Variants in ARHGAP35 observed in about 807,000 individuals in gnomAD.
The protein encoded by ARHGAP35 is rho GTPase-activating protein 35.
Under a neutral mutation model 111.1 loss-of-function variants are expected in ARHGAP35, and 15 were observed. That is an observed-to-expected ratio of 0.13 (90% CI 0.09 to 0.21). The LOEUF (loss-of-function observed/expected upper bound fraction) is 0.21. Ranked by LOEUF, ARHGAP35 falls within the 10% of genes least tolerant of loss-of-function variation. The pLI is 1.00. For synonymous variants in ARHGAP35, 643 were observed against 710.3 expected, an observed-to-expected ratio of 0.91 and a Z score of 1.51; for missense variants, 1,262 against 1,873.0, an observed-to-expected ratio of 0.67 and a Z score of 6.02.
intron 1 of ARHGAP35, among the ~76,000 whole-genome samples, chr19:46,872,817 C>T (rs1416744842): frequency 1.3e-5 from 2 of 149,916 alleles, no homozygotes; most frequent in Admixed American, 6.7e-5. Flanking sequence ...GGAGACGGAG[C>T]TTGCAGTGAG....
intron 2 of ARHGAP35, among the ~76,000 whole-genome samples, chr19:46,928,923 C>T (rs559000207): frequency 2.0e-5 from 3 of 149,326 alleles, no homozygotes; most frequent in Non-Finnish European, 3.0e-5. Context: ...CAGAGGGAGA[C>T]GGTCTCAAAA....
rs1365265115 is a variant in ARHGAP35, at chr19:47,001,783, G to A, written c.*1095G>A. The A allele has an allele frequency of 2.6e-5, 6 of 230,038 alleles. No homozygotes were observed. The highest frequency in any genetic ancestry group is 1.4e-4 in the African/African-American group (6 of 43,696). 14.2% of individuals were successfully genotyped at this position (230,038 alleles called of 1,614,324 possible). A position where few individuals can be genotyped will look rare whatever the true frequency, so the allele number is the denominator to read the frequency against. On this transcript the variant is annotated 3_prime_UTR_variant, in exon 7 of 7. Transcript: ENST00000672722. This position sits in a 1 kb window ranked among gnomAD's most constrained non-coding sequence, Gnocchi z 5.4. Reference sequence around the variant, plus strand: ...GTGAGTGTGTGTGGGCGCTTGGTGGGGGGTTGGGGACAGCTGGAAGGTGCC... The same window carrying A: ...GTGAGTGTGTGTGGGCGCTTGGTGGAGGGTTGGGGACAGCTGGAAGGTGCC...
chr19:46,906,696 G>C (rs2056110206), intron 1 of ARHGAP35, among the ~76,000 whole-genome samples: 1 of 152,196 alleles, frequency 6.6e-6, no homozygotes, highest in Admixed American at 6.5e-5. Flanking sequence ...TACAGATGCA[G>C]TAGATAAAAT....
intron 3 of ARHGAP35, among the ~76,000 whole-genome samples, chr19:46,938,724 C>T (rs1358045736): frequency 2.0e-5 from 3 of 150,410 alleles, no homozygotes; most frequent in Non-Finnish European, 2.9e-5. Flanking sequence ...GTGGCATGAT[C>T]TTGGCTCACT....
intron 3 of ARHGAP35, among the ~76,000 whole-genome samples, chr19:46,962,839 C>G (rs1403363801): frequency 6.6e-6 from 1 of 152,152 alleles, no homozygotes; most frequent in African/African-American, 2.4e-5. Context: ...GTCTCGAACT[C>G]CTGACCTCAG....
At chr19:46,870,011 A>G (rs554244686) in intron 1 of ARHGAP35, among the ~76,000 whole-genome samples, 1 of 139,804 alleles carries the variant, frequency 7.2e-6, no homozygotes, top group South Asian at 2.2e-4. Flanking sequence ...CAGTGGCGCC[A>G]TCTCGACTCA....
chr19:46,902,879 A>C (rs1311088196), intron 1 of ARHGAP35, among the ~76,000 whole-genome samples: 1 of 152,208 alleles, frequency 6.6e-6, no homozygotes, highest in East Asian at 1.9e-4. Flanking sequence ...ACTGGGCAAA[A>C]AGGGCTCTTT....
intron 1 of ARHGAP35, among the ~76,000 whole-genome samples, chr19:46,900,477 T>C (rs2056079087): frequency 6.6e-6 from 1 of 152,214 alleles, no homozygotes; most frequent in Admixed American, 6.5e-5. Flanking sequence ...CACCTTGGCC[T>C]CCCAAACTGT....
intron 5 of ARHGAP35, among the ~76,000 whole-genome samples, chr19:46,991,019 G>C (rs1032780857): frequency 1.3e-5 from 2 of 152,180 alleles, no homozygotes; most frequent in Non-Finnish European, 1.5e-5. Context: ...GTACTCCTGG[G>C]AGGGTCATAG....
At chr19:46,874,573 C>T (rs1395570541) in intron 1 of ARHGAP35, among the ~76,000 whole-genome samples, 13 of 130,004 alleles carry the variant, frequency 1.0e-4, no homozygotes, top group Admixed American at 7.3e-4. Flanking sequence ...GCACAATCTT[C>T]GGCTCACAGC....
Position 47,000,551 on chromosome 19 carries a change from G to C in ARHGAP35, c.4363G>C (p.Val1455Leu). 1.2e-6 allele frequency: 2 copies of C among 1,612,396 alleles called. No homozygotes were observed. The highest frequency in any genetic ancestry group is 1.7e-6 in the Non-Finnish European group (2 of 1,179,596). Residue 1455 changes from valine to leucine, a missense_variant, in exon 7 of 7, where the codon GTG becomes CTG. Physicochemically the swap from Val to Leu is conservative, Grantham distance 32. This residue lies in a region of ARHGAP35 where 75 missense variants were observed against 87.0 expected (regional missense o/e 0.86). Coordinates refer to ENST00000672722, the MANE Select transcript of ARHGAP35 (RefSeq NM_004491.5). This position sits in a 1 kb window ranked among gnomAD's most constrained non-coding sequence, Gnocchi z 6.9. The stretch of plus-strand genomic sequence containing the variant: ...CGCCAGGCCCAGCTCCCCCTCTGCC[G>C]TGGCTTCCACCGTCCCCTTCCTCAC... The part of the protein sequence containing the change: ...PGARPSSPSA[V>L]ASTVPFLTST...
intron 2 of ARHGAP35, among the ~76,000 whole-genome samples, chr19:46,924,345 G>T (rs1376319577): frequency 6.6e-6 from 1 of 152,206 alleles, no homozygotes; most frequent in Non-Finnish European, 1.5e-5. Flanking sequence ...CACAGAAATT[G>T]CATCCACTTT....
Position 47,000,023 on chromosome 19 carries a change from C to T in ARHGAP35, c.4143-308C>T, listed in dbSNP as rs1304719667. On this transcript the variant is annotated intron_variant, in intron 6 of 6. Transcript: ENST00000672722. The surrounding 1 kb of genome is among the most constrained non-coding windows in gnomAD (Gnocchi z 6.9). The stretch of plus-strand genomic sequence containing the variant: ...CTCAGCCTCCCTCCCTCGTCACAGC[C>T]GGAGCACCGCCACTGCTTTGGCTGG... Among the ~76,000 whole-genome samples the T allele has an allele frequency of 4.6e-5, 7 of 152,178 alleles. No homozygotes were observed. Among genetic ancestry groups the T allele is most frequent in the African/African-American group, 9.7e-5 (4 of 41,434 alleles).
At position 46,999,112 on chromosome 19, in the gene ARHGAP35, T is replaced by C; in HGVS notation, c.4037-192T>C. The C allele has an allele frequency of 1.7e-6, 1 of 576,098 alleles. No individual in the cohort carries two copies. The highest frequency in any genetic ancestry group is 3.1e-6 in the Non-Finnish European group (1 of 323,890). 35.7% of individuals were successfully genotyped at this position (576,098 alleles called of 1,614,324 possible). On this transcript the variant is annotated intron_variant, in intron 5 of 6. Transcript: ENST00000672722. The surrounding 1 kb of genome is among the most constrained non-coding windows in gnomAD (Gnocchi z 5.4). Reference sequence around the variant, plus strand: ...TCAGCGGGGGCCTGGGACACAGAGGTGGGCCAGACCCCTGGGCCAGTGCCA... The same window carrying C: ...TCAGCGGGGGCCTGGGACACAGAGGCGGGCCAGACCCCTGGGCCAGTGCCA...
In ARHGAP35 at chr19:46,992,106, GCAGCAGCAACCGCACCGCC is replaced by G. The variant is rs2056682375; in HGVS notation, c.4036+2434_4036+2452del. ...CACGTGGGAGATTCAGAAATGAACA[GCAGCAGCAACCGCACCGCC>G]CATGGCCTGTGTGCCTGCCTAGGCT... On this transcript the variant is annotated intron_variant, in intron 5 of 6. Transcript: ENST00000672722. This position sits in a 1 kb window ranked among gnomAD's most constrained non-coding sequence, Gnocchi z 4.4. 6.6e-6 allele frequency among the ~76,000 whole-genome samples: 1 copy of G among 152,234 alleles called. No homozygotes were observed. Among genetic ancestry groups the G allele is most frequent in the Admixed American group, 6.5e-5 (1 of 15,294 alleles).
At chr19:46,923,456 T>C (rs1331213552) in intron 2 of ARHGAP35, among the ~76,000 whole-genome samples, 1 of 152,036 alleles carries the variant, frequency 6.6e-6, no homozygotes, top group African/African-American at 2.4e-5. Flanking sequence ...TAGTTTGTAG[T>C]CTGCAGGGCA....
intron 5 of ARHGAP35, among the ~76,000 whole-genome samples, chr19:46,995,619 C>T (rs566913256): frequency 1.5e-3 from 228 of 152,364 alleles, no homozygotes; most frequent in Middle Eastern, 3.4e-3. Context: ...GAGTGGGTTT[C>T]TCAGCCACCA....
intron 2 of ARHGAP35, among the ~76,000 whole-genome samples, chr19:46,925,183 A>G (rs1436828638): frequency 1.3e-5 from 2 of 152,192 alleles, no homozygotes; most frequent in African/African-American, 2.4e-5. Context: ...TATCCTCTGG[A>G]AAGAGTGACT....
chr19:46,925,672 A>G (rs750306418), intron 2 of ARHGAP35, among the ~76,000 whole-genome samples: 2 of 152,196 alleles, frequency 1.3e-5, no homozygotes, highest in Non-Finnish European at 2.9e-5. Flanking sequence ...TAGTTATGTT[A>G]GAGTAGGTTG....
Sources: gnomAD v4.1 joint callset for allele counts (sites outside exome capture counted in the v4.1 genomes callset) on GRCh38, gnomAD v4.1.1 for gene constraint, gnomAD v4.1.1 regional missense constraint, Gnocchi (gnomAD v3.1) non-coding constraint, MANE v1.5 for transcripts, NCBI Gene and HGNC (gene_info 2026-07-23, HGNC 2026-07-21) for gene names.